Variants in FARP1 observed in about 807,000 individuals in gnomAD.
The protein encoded by FARP1 is FERM, ARHGEF and pleckstrin domain-containing protein 1.
A neutral mutation model predicts 128.8 loss-of-function variants in FARP1; 52 were observed. That is an observed-to-expected ratio of 0.40 (90% CI 0.32 to 0.51). The LOEUF is 0.51. FARP1 is among the 20% of genes least tolerant of loss of function. FARP1 has a pLI of 0.45. For synonymous variants in FARP1, 580 were observed against 551.8 expected (o/e 1.05, Z -0.72); for missense variants, 1,333 against 1,367.9 (o/e 0.97, Z 0.40).
At chr13:98,254,681 C>G (rs1883501356) in intron 2 of FARP1, among the ~76,000 whole-genome samples, 1 of 152,190 alleles carries the variant, frequency 6.6e-6, no homozygotes, top group South Asian at 2.1e-4. Context: ...ATAGCCTAGC[C>G]ATGAATTCAC....
intron 2 of FARP1, among the ~76,000 whole-genome samples, chr13:98,226,127 T>C (rs150399700): frequency 2.3e-3 from 347 of 152,314 alleles, no homozygotes; most frequent in Non-Finnish European, 4.1e-3. Flanking sequence ...AGAATCTCAG[T>C]GTATGGTCTC....
chr13:98,366,202 A>G (rs1284199847), intron 4 of FARP1, among the ~76,000 whole-genome samples: 3 of 152,296 alleles, frequency 2.0e-5, no homozygotes, highest in Admixed American at 6.5e-5. Context: ...TACAGTACCT[A>G]TGGGATCATT....
chr13:98,390,861 A>G lies in FARP1; in HGVS notation c.1069A>G (p.Lys357Glu). The G allele has an allele frequency of 6.2e-7, 1 of 1,613,382 alleles. No homozygotes were observed. The highest frequency in any genetic ancestry group is 8.5e-7 in the Non-Finnish European group (1 of 1,179,356). Residue 357 changes from lysine (K) to glutamate (E), a missense_variant, in exon 11 of 27, where the codon AAG becomes GAG. By Grantham distance (56) the Lys-to-Glu change is moderately conservative. Transcript: ENST00000319562. ...VLDYVKEGGH[K>E]KVQFERKHSK... ...CGACTATGTTAAAGAAGGAGGACAT[A>G]AGAAGGTGCAGTTTGAAAGGTAAGA... is the stretch of plus-strand genomic sequence containing the variant.
At chr13:98,185,385 A>C (rs79569890) in intron 1 of FARP1, among the ~76,000 whole-genome samples, 5,666 of 152,190 alleles carry the variant, frequency 0.037, 323 homozygotes, top group African/African-American at 0.13. Context: ...TTGGTAAGAT[A>C]AAGCTCTCTA....
At chr13:98,349,742 T>A (rs190610870) in intron 3 of FARP1, among the ~76,000 whole-genome samples, 11 of 150,166 alleles carry the variant, frequency 7.3e-5, no homozygotes, top group Non-Finnish European at 1.3e-4. Context: ...TTCTGGTTTC[T>A]TATAAATAAA....
intron 1 of FARP1, among the ~76,000 whole-genome samples, chr13:98,150,176 T>C (rs1566665487): frequency 6.6e-6 from 1 of 152,018 alleles, no homozygotes; most frequent in Non-Finnish European, 1.5e-5. Context: ...GTAGCTGAGA[T>C]TACAGGCATG....
At chr13:98,424,743 A>G (rs1891715839) in intron 17 of FARP1, 93 bp downstream of exon 17, 1 of 846,238 alleles carries the variant, frequency 1.2e-6, no homozygotes, top group Admixed American at 1.9e-5. Context: ...TTCCATCAGC[A>G]TGCATCACCT....
At chr13:98,144,358 G>A (rs1875348333) in intron 1 of FARP1, among the ~76,000 whole-genome samples, 1 of 152,192 alleles carries the variant, frequency 6.6e-6, no homozygotes, top group Admixed American at 6.5e-5. Flanking sequence ...TCACAAAGAA[G>A]CGAGGCCCTG....
intron 2 of FARP1, among the ~76,000 whole-genome samples, chr13:98,225,566 G>T (rs1230754790): frequency 6.6e-6 from 1 of 152,210 alleles, no homozygotes; most frequent in African/African-American, 2.4e-5. Context: ...TTTCTCTAAG[G>T]CAGACTTTCC....
At chr13:98,391,490 C>G (rs990599685) in intron 11 of FARP1, among the ~76,000 whole-genome samples, 3 of 152,204 alleles carry the variant, frequency 2.0e-5, no homozygotes, top group African/African-American at 7.2e-5. Flanking sequence ...GGGCTGGTCT[C>G]AAACTCCTGG....
intron 8 of FARP1, 74 bp from the exon 9 acceptor site, chr13:98,388,309 A>T: frequency 8.8e-7 from 1 of 1,138,860 alleles, no homozygotes; most frequent in Non-Finnish European, 1.3e-6. Context: ...TTTAGCTCCC[A>T]TAAGCAAAAC....
At chr13:98,357,921 T>A (rs1594440888) in intron 3 of FARP1, among the ~76,000 whole-genome samples, 2 of 152,198 alleles carry the variant, frequency 1.3e-5, no homozygotes, top group African/African-American at 4.8e-5. Context: ...GGGCATAGTC[T>A]GGGGTGAATT....
At chr13:98,145,559 T>TTGTTTG (rs11282280) in intron 1 of FARP1, among the ~76,000 whole-genome samples, 2 of 151,932 alleles carry the variant, frequency 1.3e-5, no homozygotes, top group Non-Finnish European at 2.9e-5. Context: ...CGTTTTTGTT[T>TTGTTTG]CACTTTTCGT....
intron 1 of FARP1, among the ~76,000 whole-genome samples, chr13:98,182,433 C>T (rs1000892208): frequency 6.6e-6 from 1 of 152,116 alleles, no homozygotes; most frequent in Non-Finnish European, 1.5e-5. Flanking sequence ...TCAAGTGATC[C>T]TCCTATCTCA....
At chr13:98,330,230 CAG>C (rs1001329758) in intron 2 of FARP1, among the ~76,000 whole-genome samples, 4 of 152,006 alleles carry the variant, frequency 2.6e-5, no homozygotes, top group Admixed American at 6.6e-5. Flanking sequence ...AGGTAGGTGA[CAG>C]GGGTGGGGCA....
intron 24 of FARP1, 81 bp from the exon 25 acceptor site, chr13:98,446,017 C>A (rs1043845661): frequency 2.1e-6 from 2 of 938,540 alleles, no homozygotes; most frequent in African/African-American, 3.2e-5. Flanking sequence ...AGCCCAGGGC[C>A]CTGGTGCAGG....
At chr13:98,356,439 C>T (rs879826543) in intron 3 of FARP1, among the ~76,000 whole-genome samples, 8 of 152,052 alleles carry the variant, frequency 5.3e-5, no homozygotes, top group African/African-American at 1.2e-4. Context: ...ATACCACTGA[C>T]GTATTATGCG....
At chr13:98,179,761 G>A (rs891741079) in intron 1 of FARP1, among the ~76,000 whole-genome samples, 1 of 152,108 alleles carries the variant, frequency 6.6e-6, no homozygotes, top group Non-Finnish European at 1.5e-5. Context: ...GAAGGCTGAG[G>A]CAGGAGAATG....
At chr13:98,230,235 G>A (rs1274215336) in intron 2 of FARP1, among the ~76,000 whole-genome samples, 1 of 152,156 alleles carries the variant, frequency 6.6e-6, no homozygotes, top group Admixed American at 6.5e-5. Context: ...AGAGGTTTTG[G>A]CATCTTTGAA....
Sources: allele counts gnomAD v4.1 joint callset (sites outside exome capture counted in the v4.1 genomes callset), GRCh38; gene constraint gnomAD v4.1.1; transcripts MANE v1.5; gene names NCBI Gene and HGNC (gene_info 2026-07-23, HGNC 2026-07-21).